PTCHD4: variants seen among roughly 807,000 people sequenced by gnomAD.
The protein encoded by PTCHD4 is patched domain-containing protein 4.
PTCHD4 carries 33 observed loss-of-function variants against 58.1 expected under a neutral mutation model. The observed-to-expected ratio is 0.57, with a 90% CI of 0.43 to 0.76. The LOEUF (loss-of-function observed/expected upper bound fraction) is 0.76. Among genes scored for constraint, PTCHD4 ranks in the 30% least tolerant of loss-of-function variants. The pLI, the probability that PTCHD4 is intolerant of heterozygous loss-of-function variation, is 0.00. For synonymous variants in PTCHD4, 478 were observed against 409.6 expected (o/e 1.17, Z -2.02); for missense variants, 1,058 against 1,027.1 (o/e 1.03, Z -0.41).
intron 4 of PTCHD4, among the ~76,000 whole-genome samples, chr6:48,000,228 T>C (rs937518225): frequency 6.6e-6 from 1 of 152,200 alleles, no homozygotes; most frequent in African/African-American, 2.4e-5. Flanking sequence ...ATATCTTTGT[T>C]ATGTTAACAT....
At chr6:48,104,362 G>A (rs1459870245) in intron 1 of PTCHD4, among the ~76,000 whole-genome samples, 1 of 152,132 alleles carries the variant, frequency 6.6e-6, no homozygotes, top group Non-Finnish European at 1.5e-5. Context: ...AGCTTCATAA[G>A]TGAAGGAGAA....
chr6:47,979,508 T>C (rs769313606), intron 4 of PTCHD4, among the ~76,000 whole-genome samples: 1 of 152,114 alleles, frequency 6.6e-6, no homozygotes. Flanking sequence ...GATTGTAAAA[T>C]CTAAATGGTA....
intron 4 of PTCHD4, among the ~76,000 whole-genome samples, chr6:47,921,486 T>TA: frequency 6.6e-6 from 1 of 152,194 alleles, no homozygotes; most frequent in Non-Finnish European, 1.5e-5. Flanking sequence ...CCACTTGAAA[T>TA]AAGACAATAT....
At chr6:48,052,639 C>T (rs1020062845) in intron 3 of PTCHD4, among the ~76,000 whole-genome samples, 1 of 152,028 alleles carries the variant, frequency 6.6e-6, no homozygotes, top group African/African-American at 2.4e-5. Flanking sequence ...AGTTAATTCC[C>T]TATTTTATAT....
intron 4 of PTCHD4, among the ~76,000 whole-genome samples, chr6:47,934,240 A>G (rs1193702863): frequency 1.3e-5 from 2 of 152,086 alleles, no homozygotes; most frequent in Non-Finnish European, 2.9e-5. Flanking sequence ...GCAGGCGGGA[A>G]GTGCTCTCCA....
intron 3 of PTCHD4, among the ~76,000 whole-genome samples, chr6:48,061,340 A>G (rs1764619270): frequency 6.6e-6 from 1 of 152,204 alleles, no homozygotes. Context: ...GTTTTTCAAT[A>G]TAGAACAGCC....
intron 1 of PTCHD4, among the ~76,000 whole-genome samples, chr6:48,073,112 C>A (rs1765003934): frequency 6.6e-6 from 1 of 152,038 alleles, no homozygotes; most frequent in Non-Finnish European, 1.5e-5. Flanking sequence ...GTAATTATTG[C>A]AAATCTGATT....
chr6:47,943,253 TAAAG>T (rs1036250895), intron 4 of PTCHD4, among the ~76,000 whole-genome samples: 2 of 152,200 alleles, frequency 1.3e-5, no homozygotes, highest in African/African-American at 2.4e-5. Flanking sequence ...GTAAAATTTG[TAAAG>T]AAAGAAAGGG....
chr6:48,072,643 C>A (rs975148086), intron 1 of PTCHD4, among the ~76,000 whole-genome samples: 68 of 152,220 alleles, frequency 4.5e-4, no homozygotes, highest in African/African-American at 1.5e-3. Context: ...CCTGACAGAG[C>A]AATGACATTA....
chr6:48,067,056 A>G (rs1452748612), intron 3 of PTCHD4, among the ~76,000 whole-genome samples: 3 of 152,198 alleles, frequency 2.0e-5, no homozygotes, highest in Non-Finnish European at 4.4e-5. Flanking sequence ...ACATTAAAAA[A>G]ATTTTTTTCT....
intron 1 of PTCHD4, among the ~76,000 whole-genome samples, chr6:48,075,196 G>A (rs927705694): frequency 6.6e-6 from 1 of 152,066 alleles, no homozygotes; most frequent in African/African-American, 2.4e-5. Flanking sequence ...ATGACTCATG[G>A]GTTCAGTCTT....
chr6:47,881,056 T>C (rs941243159), intron 4 of PTCHD4, among the ~76,000 whole-genome samples: 5 of 152,156 alleles, frequency 3.3e-5, no homozygotes, highest in African/African-American at 1.2e-4. Context: ...TTTCTGTGAA[T>C]GGATACAAGC....
chr6:47,979,418 G>C (rs1399296244), intron 4 of PTCHD4, among the ~76,000 whole-genome samples: 3 of 152,126 alleles, frequency 2.0e-5, no homozygotes, highest in South Asian at 2.1e-4. Flanking sequence ...AGTTAAAATG[G>C]ATAAAAAATA....
At chr6:48,072,856 T>C (rs1419361857) in intron 1 of PTCHD4, among the ~76,000 whole-genome samples, 1 of 152,164 alleles carries the variant, frequency 6.6e-6, no homozygotes, top group Non-Finnish European at 1.5e-5. Context: ...TCTGGGTCTA[T>C]CAGTGATTTA....
intron 3 of PTCHD4, among the ~76,000 whole-genome samples, chr6:48,016,333 C>T (rs1386443843): frequency 6.6e-6 from 1 of 151,972 alleles, no homozygotes; most frequent in African/African-American, 2.4e-5. Flanking sequence ...TCCTTCAATA[C>T]AAATCCATTG....
At chr6:47,910,535 T>A (rs1765036755) in intron 4 of PTCHD4, among the ~76,000 whole-genome samples, 1 of 152,152 alleles carries the variant, frequency 6.6e-6, no homozygotes, top group Non-Finnish European at 1.5e-5. Flanking sequence ...CACATTTCCA[T>A]ACAAATAATA....
chr6:48,032,923 C>T (rs994506881), intron 3 of PTCHD4, among the ~76,000 whole-genome samples: 6 of 152,010 alleles, frequency 3.9e-5, no homozygotes, highest in African/African-American at 7.2e-5. Context: ...AAGGTGGAAT[C>T]GGTGTTTGAT....
chr6:47,913,559 C>T (rs1765134252), intron 4 of PTCHD4, among the ~76,000 whole-genome samples: 1 of 151,996 alleles, frequency 6.6e-6, no homozygotes, highest in African/African-American at 2.4e-5. Context: ...AAGATAAAGT[C>T]ATTGATTCAT....
At position 47,887,063 on chromosome 6, in the gene PTCHD4, A is replaced by G. The variant is rs538755332; in HGVS notation, c.899-7127T>C. On this transcript the variant is annotated intron_variant, in intron 4 of 4. Transcript: ENST00000339488. Reference sequence around the variant, plus strand: ...TATATTAATTATTGGCTTATGGTAAATGCTCAATAAATGTTTTTAAAACTG... The same window carrying G: ...TATATTAATTATTGGCTTATGGTAAGTGCTCAATAAATGTTTTTAAAACTG... Among the ~76,000 whole-genome samples the G allele has an allele frequency of 2.8e-4, 43 of 152,290 alleles. No individual in the cohort carries two copies. The South Asian group carries it at 8.5e-3, about 30-fold the overall frequency.
Sources: gnomAD v4.1 joint callset for allele counts (sites outside exome capture counted in the v4.1 genomes callset) on GRCh38, gnomAD v4.1.1 for gene constraint, MANE v1.5 for transcripts, NCBI Gene and HGNC (gene_info 2026-07-23, HGNC 2026-07-21) for gene names.